Variants in GYPB observed in about 807,000 individuals in gnomAD.
GYPB encodes glycophorin-B.
A neutral mutation model predicts 15.3 loss-of-function variants in GYPB; 13 were observed. That is an observed-to-expected ratio of 0.85 (90% confidence interval 0.55 to 1.35). The LOEUF is 1.35. Among genes scored for constraint, GYPB ranks in the 40% most tolerant of loss-of-function variants. The pLI, the probability that GYPB is intolerant of heterozygous loss-of-function variation, is 0.00. For synonymous variants in GYPB, 38 were observed against 36.9 expected, an observed-to-expected ratio of 1.03 and a Z score of -0.11; for missense variants, 131 against 108.3, an observed-to-expected ratio of 1.21 and a Z score of -0.93.
chr4:144,013,907 TAAAGTA>T (rs1345267267), intron 1 of GYPB, among the ~76,000 whole-genome samples: 1 of 150,214 alleles, frequency 6.7e-6, no homozygotes, highest in South Asian at 2.1e-4. Context: ...CCCTAAAACT[TAAAGTA>T]TAGTAAAAAA....
chr4:144,017,543 T>C (rs1463429375), intron 1 of GYPB, among the ~76,000 whole-genome samples: 1 of 151,020 alleles, frequency 6.6e-6, no homozygotes. Context: ...AGGGTCATCT[T>C]GCCCCAGTGA....
rs1727296099 is a variant in GYPB, at chr4:143,996,140, A to G, written c.*159T>C. On this transcript the variant is annotated 3_prime_UTR_variant, in exon 5 of 5. Coordinates refer to ENST00000502664, the MANE Select transcript of GYPB (RefSeq NM_002100.6). ...TTTTGTTTTATTTTTATTTAGAAGT[A>G]GAGAATACAGTAATAGTGAGGCAGG... is the stretch of plus-strand genomic sequence containing the variant. 1 of 1,462,484 alleles carries G rather than the reference A, an allele frequency of 6.8e-7. No individual in the cohort carries two copies. The highest frequency in any genetic ancestry group is 1.4e-5 in the South Asian group (1 of 72,954). The allele number at this position is 1,462,484 out of a possible 1,614,324, so 90.6% of individuals were successfully genotyped here.
intron 1 of GYPB, among the ~76,000 whole-genome samples, chr4:144,008,938 A>G (rs1276708055): frequency 1.3e-5 from 2 of 151,426 alleles, no homozygotes; most frequent in Admixed American, 1.3e-4. Flanking sequence ...CTGAGTTTCG[A>G]GGTCAATTCT....
intron 1 of GYPB, among the ~76,000 whole-genome samples, chr4:144,001,968 CAAAAAAAAAAA>C (rs374342942): frequency 2.1e-5 from 2 of 96,284 alleles, no homozygotes; most frequent in Non-Finnish European, 3.7e-5. Flanking sequence ...GATTCCGTTT[CAAAAAAAAAAA>C]AAAAAAAAAA....
intron 2 of GYPB, chr4:144,000,131 G>A (rs77152472): frequency 0.16 from 18,708 of 115,176 alleles, 18 homozygotes; most frequent in Non-Finnish European, 0.21. Context: ...CTTAGTATAT[G>A]CTATGTTGTT....
At chr4:143,997,979 A>T (rs2149955234) in intron 3 of GYPB, among the ~76,000 whole-genome samples, 1 of 151,448 alleles carries the variant, frequency 6.6e-6, no homozygotes, top group East Asian at 1.9e-4. Context: ...AAACCCACAA[A>T]TTCTCCCATA....
chr4:144,009,601 C>CTTTTTTTTTTTTTT (rs55807150), intron 1 of GYPB, among the ~76,000 whole-genome samples: 4 of 57,782 alleles, frequency 6.9e-5, no homozygotes, highest in Admixed American at 6.5e-4. Flanking sequence ...TTTTTTCTTT[C>CTTTTTTTTTTTTTT]TTTTTTTTTT....
In GYPB at chr4:144,002,622, A is replaced by G. The variant is rs554386887; in HGVS notation, c.38-1339T>C. 2.4e-5 allele frequency: 31 copies of G among 1,287,108 alleles called. No individual in the cohort carries two copies. The East Asian group carries it at 1.7e-3, about 71-fold the overall frequency. 79.7% of individuals were successfully genotyped at this position (1,287,108 alleles called of 1,614,324 possible). A position where few individuals can be genotyped will look rare whatever the true frequency, so the allele number is the denominator to read the frequency against. ...AATGAGGGGAATGGCACCCAAGTGC[A>G]GTGGAGTGGAGGTGGAAGGGCTTCT... On this transcript the variant is annotated intron_variant, in intron 1 of 4. Transcript: ENST00000502664.
At position 144,018,719 on chromosome 4, in the gene GYPB, A is replaced by G. The variant is rs149839695; in HGVS notation, c.37+532T>C. Among the ~76,000 whole-genome samples, 198 of 151,486 alleles carry G rather than the reference A, an allele frequency of 1.3e-3. 7 individuals are homozygous for G. The highest frequency in any genetic ancestry group is 4.5e-3 in the African/African-American group (184 of 40,782). On this transcript the variant is annotated intron_variant, in intron 1 of 4. Coordinates refer to ENST00000502664, the MANE Select transcript of GYPB (RefSeq NM_002100.6). ...AAATTCACACGACACCTAAGCCAGT[A>G]AGAGTTGTTTTTGTTTTTTTTCTTC...
At chr4:144,002,805 T>C (rs1727698161) in intron 1 of GYPB, 1 of 551,274 alleles carries the variant, frequency 1.8e-6, no homozygotes, top group Non-Finnish European at 3.0e-6. Flanking sequence ...GGTAATCAGT[T>C]TACCTCCAAA....
chr4:144,017,441 A>G (rs1428316356), intron 1 of GYPB, among the ~76,000 whole-genome samples: 4 of 150,994 alleles, frequency 2.6e-5, no homozygotes, highest in African/African-American at 9.9e-5. Flanking sequence ...TTTCTGTTAT[A>G]CTATAAAGTG....
chr4:144,003,182 A>T (rs987030019), intron 1 of GYPB, among the ~76,000 whole-genome samples: 3 of 151,480 alleles, frequency 2.0e-5, no homozygotes, highest in African/African-American at 7.4e-5. Flanking sequence ...AAAATAATCC[A>T]TCTCTCTTAA....
chr4:144,015,091 A>G (rs1728421519), intron 1 of GYPB, among the ~76,000 whole-genome samples: 1 of 151,482 alleles, frequency 6.6e-6, no homozygotes, highest in South Asian at 2.1e-4. Flanking sequence ...TCTATGACCA[A>G]CGTACAAAAA....
At chr4:144,009,001 G>A (rs1728073765) in intron 1 of GYPB, among the ~76,000 whole-genome samples, 1 of 151,482 alleles carries the variant, frequency 6.6e-6, no homozygotes, top group South Asian at 2.1e-4. Context: ...AACAGCTACA[G>A]TATGGGATAT....
rs1040876179 is a variant in GYPB at position 143,996,771 on chromosome 4, CA to C, written c.271-468del. Among the ~76,000 whole-genome samples, 6 of 83,138 alleles carry C rather than the reference CA, an allele frequency of 7.2e-5. 1 individual carries two copies. The highest frequency in any genetic ancestry group is 2.9e-4 in the African/African-American group (6 of 20,388). The allele number at this position is 83,138 out of a possible 152,430, so 54.5% of individuals were successfully genotyped here. ...TGGGTGACAGAGGGAAACTCTGTCT[CA>C]AAAAAAAATTTAAAAAACTTTAATG... is the stretch of plus-strand genomic sequence containing the variant. On this transcript the variant is annotated intron_variant, in intron 4 of 4. Transcript: ENST00000502664.
At chr4:144,001,372 A>G in intron 1 of GYPB, 89 bp from the exon 2 acceptor site, 3 of 1,603,422 alleles carry the variant, frequency 1.9e-6, no homozygotes, top group Non-Finnish European at 2.6e-6. Flanking sequence ...TTCCTCTCAC[A>G]TCCCTCCAGT....
At chr4:144,013,059 C>G (rs1048408670) in intron 1 of GYPB, among the ~76,000 whole-genome samples, 9 of 151,600 alleles carry the variant, frequency 5.9e-5, no homozygotes, top group Non-Finnish European at 1.3e-4. Flanking sequence ...TCTGATAAGA[C>G]TCTTTATCCA....
intron 1 of GYPB, among the ~76,000 whole-genome samples, chr4:144,015,753 T>C (rs1012877980): frequency 2.0e-5 from 3 of 151,330 alleles, no homozygotes; most frequent in Non-Finnish European, 2.9e-5. Context: ...CCATGCTAAA[T>C]ATATTTACAG....
At chr4:144,012,711 A>C (rs1436330218) in intron 1 of GYPB, 1 of 151,632 alleles carries the variant, frequency 6.6e-6, no homozygotes, top group Non-Finnish European at 1.5e-5. Flanking sequence ...AAGACCATTC[A>C]ATGGGCAAAG....
Sources: allele counts gnomAD v4.1 joint callset (sites outside exome capture counted in the v4.1 genomes callset), GRCh38; gene constraint gnomAD v4.1.1; transcripts MANE v1.5; gene names NCBI Gene and HGNC (gene_info 2026-07-23, HGNC 2026-07-21).